The following CNTNAP2 variants were observed in gnomAD, a reference collection of about 807,000 sequenced individuals.
CNTNAP2 encodes the protein contactin associated protein 2, also known as contactin-associated protein-like 2.
A neutral mutation model predicts 155.2 loss-of-function variants in CNTNAP2; 98 were observed. That is an observed-to-expected ratio of 0.63 (90% confidence interval 0.54 to 0.75). The LOEUF (loss-of-function observed/expected upper bound fraction) is 0.75. Ranked by LOEUF, CNTNAP2 falls within the 30% of genes least tolerant of loss-of-function variation. The pLI is 0.00. For synonymous variants in CNTNAP2, 651 were observed against 631.2 expected (o/e 1.03, Z -0.47); for missense variants, 1,727 against 1,688.1 (o/e 1.02, Z -0.40).
chr7:147,893,067 G>C (rs1367100868), intron 13 of CNTNAP2, among the ~76,000 whole-genome samples: 2 of 152,096 alleles, frequency 1.3e-5, no homozygotes, highest in Non-Finnish European at 2.9e-5. Context: ...ATTTTATCTT[G>C]ACTCATTCTT....
intron 10 of CNTNAP2, among the ~76,000 whole-genome samples, chr7:147,405,017 T>C (rs1161318267): frequency 6.6e-6 from 1 of 152,236 alleles, no homozygotes; most frequent in Non-Finnish European, 1.5e-5. Flanking sequence ...TGTATTCTTC[T>C]TTGATGCATT....
intron 1 of CNTNAP2, among the ~76,000 whole-genome samples, chr7:146,686,014 A>C (rs1008439079): frequency 6.6e-6 from 1 of 152,116 alleles, no homozygotes; most frequent in East Asian, 1.9e-4. Flanking sequence ...AAAATATTCC[A>C]GGTGAGGCAT....
chr7:146,116,823 C>A lies in CNTNAP2; in HGVS notation c.-54C>A, dbSNP rs538552704. 3.9e-5 allele frequency: 55 copies of A among 1,399,098 alleles called. No homozygotes were observed. The South Asian group carries it at 6.5e-4, about 16-fold the overall frequency. The allele number at this position is 1,399,098 out of a possible 1,614,324, so 86.7% of individuals were successfully genotyped here. ...TCCCTTCAAGAACCCTACGGAGAGT[C>A]GGACTGCATCTCCGCAGCGAGCTCT... is the stretch of plus-strand genomic sequence containing the variant. On this transcript the variant is annotated 5_prime_UTR_variant, in exon 1 of 24. Coordinates refer to ENST00000361727, the MANE Select transcript of CNTNAP2 (RefSeq NM_014141.6). This position sits in a 1 kb window ranked among gnomAD's most constrained non-coding sequence, Gnocchi z 5.5.
intron 1 of CNTNAP2, among the ~76,000 whole-genome samples, chr7:146,520,939 C>G (rs536589482): frequency 2.0e-5 from 3 of 151,906 alleles, no homozygotes; most frequent in Admixed American, 6.6e-5. Context: ...GACTCCAACA[C>G]TTTCCATCCT....
chr7:146,840,244 T>C (rs1361146859), intron 3 of CNTNAP2, among the ~76,000 whole-genome samples: 2 of 152,166 alleles, frequency 1.3e-5, no homozygotes, highest in African/African-American at 4.8e-5. Flanking sequence ...CGATCTTCAA[T>C]TGAAGGAAAA....
intron 21 of CNTNAP2, among the ~76,000 whole-genome samples, chr7:148,332,050 G>C (rs1451705959): frequency 6.6e-6 from 1 of 152,124 alleles, no homozygotes; most frequent in Non-Finnish European, 1.5e-5. Flanking sequence ...TGAGGTGCTG[G>C]AGGAGCTAAA....
At chr7:148,125,228 G>A (rs1037799050) in intron 16 of CNTNAP2, among the ~76,000 whole-genome samples, 1 of 151,858 alleles carries the variant, frequency 6.6e-6, no homozygotes, top group Non-Finnish European at 1.5e-5. Context: ...ATCTCTCTCT[G>A]TCTCTTTCTC....
chr7:146,549,824 G>A (rs1798087702), intron 1 of CNTNAP2, among the ~76,000 whole-genome samples: 2 of 152,002 alleles, frequency 1.3e-5, no homozygotes, highest in Non-Finnish European at 2.9e-5. Context: ...TCTTTGCCCT[G>A]AGAAGCAGAA....
At chr7:146,558,488 G>A (rs1196660271) in intron 1 of CNTNAP2, among the ~76,000 whole-genome samples, 1 of 152,010 alleles carries the variant, frequency 6.6e-6, no homozygotes, top group African/African-American at 2.4e-5. Context: ...AACAAAGTTG[G>A]AGATAAGTAT....
rs192955746 is a variant in CNTNAP2 at position 146,298,248 on chromosome 7, A to G, written c.97+181275A>G. Among the ~76,000 whole-genome samples, 814 of 152,272 alleles carry G rather than the reference A, an allele frequency of 5.3e-3. 4 individuals are homozygous for G. The highest frequency in any genetic ancestry group is 9.1e-3 in the Non-Finnish European group (618 of 68,026). On this transcript the variant is annotated intron_variant, in intron 1 of 23. Coordinates refer to ENST00000361727, the MANE Select transcript of CNTNAP2 (RefSeq NM_014141.6). ...TTGTTTTTCTTGCTATTATTGAGTT[A>G]TTGTTCTGTGTTTCTTCACGAGTCT... is the stretch of plus-strand genomic sequence containing the variant.
At chr7:146,834,417 A>T (rs1008405462) in intron 2 of CNTNAP2, among the ~76,000 whole-genome samples, 6 of 152,126 alleles carry the variant, frequency 3.9e-5, no homozygotes, top group Non-Finnish European at 7.4e-5. Flanking sequence ...TGCTCACACC[A>T]TATACTACAC....
rs563556120 is a variant in CNTNAP2 at position 148,145,156 on chromosome 7, C to A, written c.2555-2335C>A. 7.9e-5 allele frequency among the ~76,000 whole-genome samples: 12 copies of A among 152,272 alleles called. No individual in the cohort carries two copies. In the East Asian group the frequency reaches 1.9e-3, roughly 25 times the overall value. Reference sequence around the variant, plus strand: ...CTTCATAAATATTTCTCCAGCAGAGCCTGAATGGAGGCTGTTTGGGAAGAA... The same window carrying A: ...CTTCATAAATATTTCTCCAGCAGAGACTGAATGGAGGCTGTTTGGGAAGAA... On this transcript the variant is annotated intron_variant, in intron 16 of 23. Transcript: ENST00000361727.
chr7:146,162,343 A>G (rs1010955030), intron 1 of CNTNAP2, among the ~76,000 whole-genome samples: 2 of 152,186 alleles, frequency 1.3e-5, no homozygotes, highest in African/African-American at 4.8e-5. Context: ...AAAAGTGGGC[A>G]AAGGATATGA....
intron 8 of CNTNAP2, among the ~76,000 whole-genome samples, chr7:147,141,342 T>G (rs991913523): frequency 1.3e-5 from 2 of 152,154 alleles, no homozygotes; most frequent in Admixed American, 6.6e-5. Context: ...AAAAGAATGT[T>G]TATCTTCAAT....
intron 3 of CNTNAP2, among the ~76,000 whole-genome samples, chr7:147,027,229 G>A (rs1407251252): frequency 6.6e-6 from 1 of 151,946 alleles, no homozygotes; most frequent in Non-Finnish European, 1.5e-5. Context: ...ATTTTCATAC[G>A]TACAAGGGAA....
intron 10 of CNTNAP2, among the ~76,000 whole-genome samples, chr7:147,406,964 T>A (rs1453059931): frequency 6.6e-6 from 1 of 152,206 alleles, no homozygotes; most frequent in Non-Finnish European, 1.5e-5. Context: ...GTTATACTTT[T>A]ACTGTGATAG....
intron 8 of CNTNAP2, among the ~76,000 whole-genome samples, chr7:147,137,782 C>T (rs528243284): frequency 5.0e-4 from 75 of 151,504 alleles, no homozygotes; most frequent in Admixed American, 1.6e-3. Context: ...GAACAAATTC[C>T]GCACCATCTA....
chr7:146,174,408 A>G (rs957094031), intron 1 of CNTNAP2, among the ~76,000 whole-genome samples: 1 of 152,016 alleles, frequency 6.6e-6, no homozygotes, highest in African/African-American at 2.4e-5. Flanking sequence ...TTTAGTAGAA[A>G]CAGGGTTTTG....
At chr7:148,188,957 T>C (rs551646692) in intron 18 of CNTNAP2, among the ~76,000 whole-genome samples, 4 of 152,224 alleles carry the variant, frequency 2.6e-5, no homozygotes, top group Non-Finnish European at 2.9e-5. Flanking sequence ...TTCCAATTTT[T>C]TTATTGTAAA....
Sources: gnomAD v4.1 joint callset for allele counts (sites outside exome capture counted in the v4.1 genomes callset) on GRCh38, gnomAD v4.1.1 for gene constraint, Gnocchi (gnomAD v3.1) non-coding constraint, MANE v1.5 for transcripts, NCBI Gene and HGNC (gene_info 2026-07-23, HGNC 2026-07-21) for gene names.